Variants in TANC2 observed in about 807,000 individuals in gnomAD.
TANC2 encodes tetratricopeptide repeat, ankyrin repeat and coiled-coil containing 2.
TANC2 carries 26 observed loss-of-function variants against 210.5 expected under a neutral mutation model. The ratio of observed to expected loss-of-function variants is 0.12; its 90% CI spans 0.09 to 0.17. The LOEUF (loss-of-function observed/expected upper bound fraction) is 0.17. TANC2 is among the 10% of genes least tolerant of loss of function. The probability of loss-of-function intolerance (pLI) is 1.00; values close to 1 mark genes in which losing one functional copy is unlikely to be tolerated. For missense variants in TANC2, 2,129 were observed against 2,608.9 expected (o/e 0.82, Z 4.01); for synonymous variants, 931 against 967.1 (o/e 0.96, Z 0.69).
intron 17 of TANC2, chr17:63,390,466 G>A (rs2047931426): frequency 6.6e-6 from 1 of 152,152 alleles, no homozygotes; most frequent in Non-Finnish European, 1.5e-5. Flanking sequence ...ACACCTCTAG[G>A]AACAATGATA....
At chr17:63,424,920 A>G (rs541802764) in exon 28 of TANC2, 39 of 152,352 alleles carry the variant, frequency 2.6e-4, no homozygotes, top group African/African-American at 8.9e-4. Context: ...TATGAAAAAT[A>G]TTTGCAGTGA....
chr17:63,260,510 G>A (rs758177239), intron 8 of TANC2, among the ~76,000 whole-genome samples: 1 of 152,228 alleles, frequency 6.6e-6, no homozygotes, highest in Non-Finnish European at 1.5e-5. Flanking sequence ...TCATCTGGGT[G>A]CGATGGCCCA....
chr17:63,181,025 A>C (rs2040765614), intron 5 of TANC2, among the ~76,000 whole-genome samples: 2 of 69,354 alleles, frequency 2.9e-5, no homozygotes, highest in Non-Finnish European at 2.6e-5. Flanking sequence ...CTCCATCTCA[A>C]AAAAAAAAAA....
At chr17:63,224,665 C>T (rs956896417) in intron 7 of TANC2, among the ~76,000 whole-genome samples, 5 of 152,350 alleles carry the variant, frequency 3.3e-5, no homozygotes, top group Admixed American at 2.0e-4. Flanking sequence ...CTATTAACTG[C>T]ACTTAGAGAG....
chr17:63,276,951 A>G (rs555113169), intron 9 of TANC2, among the ~76,000 whole-genome samples: 4 of 152,326 alleles, frequency 2.6e-5, no homozygotes, highest in African/African-American at 9.6e-5. Flanking sequence ...ACATTGGCTT[A>G]TGGTAGATAC....
chr17:63,209,619 G>C (rs1247414928), intron 7 of TANC2, among the ~76,000 whole-genome samples: 1 of 151,910 alleles, frequency 6.6e-6, no homozygotes, highest in African/African-American at 2.4e-5. Flanking sequence ...TTTTTTAGTA[G>C]AGACAGGGTT....
chr17:63,398,940 A>C (rs947596025), intron 19 of TANC2, 26 bp downstream of exon 19: 1 of 1,522,126 alleles, frequency 6.6e-7, no homozygotes, highest in Non-Finnish European at 8.9e-7. Flanking sequence ...GTTGCCCTCA[A>C]GAATGTGTTG....
chr17:63,265,746 A>G (rs2043505949), intron 8 of TANC2, among the ~76,000 whole-genome samples: 1 of 152,120 alleles, frequency 6.6e-6, no homozygotes, highest in African/African-American at 2.4e-5. Context: ...CTCTCCAGGC[A>G]AGAAGCCCAT....
chr17:63,326,387 A>G (rs1174078773), intron 11 of TANC2, among the ~76,000 whole-genome samples: 1 of 152,202 alleles, frequency 6.6e-6, no homozygotes, highest in African/African-American at 2.4e-5. Flanking sequence ...AAGGATCTAA[A>G]TATTTAAAAA....
At chr17:63,170,101 G>T (rs1458795405) in intron 5 of TANC2, among the ~76,000 whole-genome samples, 1 of 146,208 alleles carries the variant, frequency 6.8e-6, no homozygotes, top group African/African-American at 2.5e-5. Context: ...CTGCACTCCA[G>T]CCTGGGTGAT....
intron 15 of TANC2, among the ~76,000 whole-genome samples, chr17:63,383,904 A>G (rs149228533): frequency 6.4e-4 from 97 of 152,198 alleles, no homozygotes; most frequent in Non-Finnish European, 7.8e-4. Flanking sequence ...AGAAACCACT[A>G]TTCTTTTCTT....
At chr17:63,372,360 A>G (rs1356844495) in intron 14 of TANC2, among the ~76,000 whole-genome samples, 1 of 152,138 alleles carries the variant, frequency 6.6e-6, no homozygotes, top group Non-Finnish European at 1.5e-5. Context: ...CAAAGGTAGT[A>G]GGGTACAGTG....
intron 1 of TANC2, among the ~76,000 whole-genome samples, chr17:62,980,754 C>G (rs2032258722): frequency 6.6e-6 from 1 of 152,332 alleles, no homozygotes; most frequent in East Asian, 1.9e-4. Flanking sequence ...ACATTTTACT[C>G]TCCACCTACC....
chr17:63,037,591 A>G (rs1415075208), intron 2 of TANC2, among the ~76,000 whole-genome samples: 1 of 152,096 alleles, frequency 6.6e-6, no homozygotes, highest in Non-Finnish European at 1.5e-5. Context: ...AGGCAGGCGG[A>G]TTACCTGAGG....
At chr17:63,313,013 CTG>C (rs1320712789) in intron 9 of TANC2, among the ~76,000 whole-genome samples, 2 of 152,152 alleles carry the variant, frequency 1.3e-5, no homozygotes, top group Non-Finnish European at 2.9e-5. Flanking sequence ...GTGCGTGTGT[CTG>C]TGTTTTCTCA....
At chr17:63,158,503 C>T (rs571301284) in intron 5 of TANC2, among the ~76,000 whole-genome samples, 15 of 152,220 alleles carry the variant, frequency 9.9e-5, no homozygotes, top group Non-Finnish European at 1.8e-4. Flanking sequence ...GGTTTTGACA[C>T]GCAAGAAGCT....
chr17:62,996,640 C>T (rs1005629450), intron 1 of TANC2, among the ~76,000 whole-genome samples: 1 of 152,084 alleles, frequency 6.6e-6, no homozygotes, highest in Non-Finnish European at 1.5e-5. Context: ...CTTTTAAGAA[C>T]ACTATTGCAT....
chr17:63,405,189 A>C, exon 20 of TANC2: 1 of 1,612,178 alleles, frequency 6.2e-7, no homozygotes, highest in South Asian at 1.1e-5. Flanking sequence ...AAGGGGCGGC[A>C]GTGGCCCAGC....
chr17:63,343,647 G>A (rs1043826915), intron 12 of TANC2, among the ~76,000 whole-genome samples: 6 of 152,204 alleles, frequency 3.9e-5, no homozygotes, highest in African/African-American at 1.4e-4. Context: ...GCTTATGCCT[G>A]TAATCCCAGT....
Sources: gnomAD v4.1 joint callset for allele counts (sites outside exome capture counted in the v4.1 genomes callset) on GRCh38, gnomAD v4.1.1 for gene constraint, MANE v1.5 for transcripts, NCBI Gene and HGNC (gene_info 2026-07-23, HGNC 2026-07-21) for gene names.